The following SPIDR variants were observed in gnomAD, a reference collection of about 807,000 sequenced individuals.
The protein encoded by SPIDR is scaffold protein involved in DNA repair.
A neutral mutation model predicts 104.6 loss-of-function variants in SPIDR; 93 were observed. The observed-to-expected ratio is 0.89, with a 90% CI of 0.75 to 1.06. The LOEUF is 1.06. Among genes scored for constraint, SPIDR ranks in the 50% least tolerant of loss-of-function variants. SPIDR has a pLI of 0.00. For missense variants in SPIDR, 1,154 were observed against 1,111.2 expected, an observed-to-expected ratio of 1.04 and a Z score of -0.55; for synonymous variants, 431 against 416.9, an observed-to-expected ratio of 1.03 and a Z score of -0.41.
At chr8:47,275,535 A>G (rs2036241170) in intron 1 of SPIDR, among the ~76,000 whole-genome samples, 1 of 152,166 alleles carries the variant, frequency 6.6e-6, no homozygotes, top group African/African-American at 2.4e-5. Context: ...TAAGATTTCC[A>G]TTGGCGTTGC....
intron 11 of SPIDR, among the ~76,000 whole-genome samples, chr8:47,690,396 T>A (rs1395964517): frequency 6.6e-6 from 1 of 151,496 alleles, no homozygotes; most frequent in Non-Finnish European, 1.5e-5. Context: ...TTGATAATTT[T>A]ATGTCCCCAA....
At chr8:47,700,866 C>G (rs952475630) in intron 12 of SPIDR, among the ~76,000 whole-genome samples, 1 of 152,186 alleles carries the variant, frequency 6.6e-6, no homozygotes, top group Admixed American at 6.5e-5. Context: ...ACTCAGTTAC[C>G]AATTGGAGCA....
At chr8:47,612,709 C>T (rs2063757626) in intron 10 of SPIDR, among the ~76,000 whole-genome samples, 1 of 152,220 alleles carries the variant, frequency 6.6e-6, no homozygotes, top group South Asian at 2.1e-4. Flanking sequence ...TACCTGTGAG[C>T]ACTGTGACTT....
intron 6 of SPIDR, among the ~76,000 whole-genome samples, chr8:47,399,130 A>G (rs1305157681): frequency 6.6e-6 from 1 of 152,202 alleles, no homozygotes; most frequent in Non-Finnish European, 1.5e-5. Context: ...TTCTTATTTT[A>G]AAGGTGATAG....
chr8:47,702,577 G>A (rs2080463942), intron 14 of SPIDR, among the ~76,000 whole-genome samples: 1 of 152,176 alleles, frequency 6.6e-6, no homozygotes, highest in South Asian at 2.1e-4. Flanking sequence ...AATCAACTAG[G>A]AGTAGAGGAG....
intron 1 of SPIDR, among the ~76,000 whole-genome samples, chr8:47,273,798 T>C (rs1251506749): frequency 1.3e-5 from 2 of 152,148 alleles, no homozygotes; most frequent in African/African-American, 4.8e-5. Flanking sequence ...CTTGCTGTGT[T>C]GCACAGGCTG....
At chr8:47,467,505 T>C (rs572381164) in intron 8 of SPIDR, among the ~76,000 whole-genome samples, 1 of 152,310 alleles carries the variant, frequency 6.6e-6, no homozygotes, top group South Asian at 2.1e-4. Flanking sequence ...TCAAAAAGCT[T>C]ATCCACCACG....
chr8:47,437,783 T>A (rs368065394), intron 7 of SPIDR, among the ~76,000 whole-genome samples: 6 of 152,088 alleles, frequency 3.9e-5, no homozygotes, highest in East Asian at 3.9e-4. Flanking sequence ...ACTTTTACAC[T>A]GTTGGTGGGA....
At chr8:47,734,146 G>A (rs899239239) in intron 19 of SPIDR, among the ~76,000 whole-genome samples, 4 of 152,148 alleles carry the variant, frequency 2.6e-5, no homozygotes, top group South Asian at 2.1e-4. Context: ...GGGCATTAGC[G>A]GGTGCCCCCA....
rs761896805 is a variant in SPIDR, at chr8:47,700,472, C to T, written c.1755C>T (p.Arg585=). 4.3e-6 allele frequency: 7 copies of T among 1,614,200 alleles called. No homozygotes were observed. Among genetic ancestry groups the T allele is most frequent in the South Asian group, 3.3e-5 (3 of 91,090 alleles). Residue 585 remains arginine (R), a synonymous_variant, in exon 12 of 20, where the codon CGC becomes CGT. Transcript: ENST00000297423. ...CGATACCTCTGAAAACACCTGGCCGCGACCAGCCCTGTGAAGAGGTAAGCC... is the reference window on the plus strand; with the variant it reads ...CGATACCTCTGAAAACACCTGGCCGTGACCAGCCCTGTGAAGAGGTAAGCC... ...PPAIPLKTPG[R]DQPCEEIKTH...
intron 11 of SPIDR, among the ~76,000 whole-genome samples, chr8:47,689,330 T>C (rs1353455093): frequency 6.6e-6 from 1 of 152,214 alleles, no homozygotes; most frequent in East Asian, 1.9e-4. Context: ...TATGGGTCTG[T>C]GTCTCCTTCA....
intron 5 of SPIDR, among the ~76,000 whole-genome samples, chr8:47,349,672 A>G (rs1487316877): frequency 4.6e-5 from 7 of 152,174 alleles, no homozygotes; most frequent in Non-Finnish European, 1.0e-4. Context: ...AAGCCTCAGC[A>G]ATGGCAGTCG....
At chr8:47,312,779 G>T (rs2044462437) in intron 5 of SPIDR, among the ~76,000 whole-genome samples, 1 of 152,148 alleles carries the variant, frequency 6.6e-6, no homozygotes, top group African/African-American at 2.4e-5. Flanking sequence ...TGGTGTTGTA[G>T]ACATGAAGTC....
intron 16 of SPIDR, among the ~76,000 whole-genome samples, chr8:47,716,399 A>T (rs956887619): frequency 7.2e-5 from 11 of 152,178 alleles, no homozygotes; most frequent in African/African-American, 2.7e-4. Flanking sequence ...TTGCTTTCAC[A>T]TTCTTTTCAC....
chr8:47,443,136 A>G (rs932035670), intron 8 of SPIDR, among the ~76,000 whole-genome samples: 1 of 152,188 alleles, frequency 6.6e-6, no homozygotes, highest in Non-Finnish European at 1.5e-5. Flanking sequence ...AGACTTTACA[A>G]GTAAATGAGT....
chr8:47,510,834 A>G (rs2082204900), intron 8 of SPIDR, among the ~76,000 whole-genome samples: 2 of 152,222 alleles, frequency 1.3e-5, no homozygotes, highest in African/African-American at 4.8e-5. Flanking sequence ...ATTAAAGTCC[A>G]TTGATCATCA....
At chr8:47,512,561 C>G (rs1428785034) in intron 8 of SPIDR, among the ~76,000 whole-genome samples, 1 of 152,176 alleles carries the variant, frequency 6.6e-6, no homozygotes, top group African/African-American at 2.4e-5. Flanking sequence ...GCTGCTATCT[C>G]TCCCAGTGGT....
At chr8:47,284,856 T>C (rs1474931155) in intron 3 of SPIDR, among the ~76,000 whole-genome samples, 1 of 152,240 alleles carries the variant, frequency 6.6e-6, no homozygotes. Flanking sequence ...GGTATGTTGC[T>C]GCTAAAGAAA....
chr8:47,297,314 T>C (rs957328557), intron 5 of SPIDR, among the ~76,000 whole-genome samples: 3 of 152,194 alleles, frequency 2.0e-5, no homozygotes, highest in Non-Finnish European at 2.9e-5. Context: ...CTTTTACCTT[T>C]TTCCAGGGAG....
Sources: allele counts gnomAD v4.1 joint callset (sites outside exome capture counted in the v4.1 genomes callset), GRCh38; gene constraint gnomAD v4.1.1; transcripts MANE v1.5; gene names NCBI Gene and HGNC (gene_info 2026-07-23, HGNC 2026-07-21).